NCAM1: variants seen among roughly 807,000 people sequenced by gnomAD.
NCAM1 encodes neural cell adhesion molecule 1, also known as antigen recognized by monoclonal antibody 5.1H11.
A neutral mutation model predicts 109.8 loss-of-function variants in NCAM1; 14 were observed. The ratio of observed to expected loss-of-function variants is 0.13; its 90% CI spans 0.08 to 0.20. The LOEUF (loss-of-function observed/expected upper bound fraction) is 0.20, where lower values mean the gene tolerates loss of function less well. Among genes scored for constraint, NCAM1 ranks in the 10% least tolerant of loss-of-function variants. The pLI, the probability that NCAM1 is intolerant of heterozygous loss-of-function variation, is 1.00. For synonymous variants in NCAM1, 418 were observed against 442.9 expected, an observed-to-expected ratio of 0.94 and a Z score of 0.70; for missense variants, 774 against 1,109.9, an observed-to-expected ratio of 0.70 and a Z score of 4.30.
At chr11:113,198,730 A>G (rs1565493720) in intron 1 of NCAM1, among the ~76,000 whole-genome samples, 1 of 152,130 alleles carries the variant, frequency 6.6e-6, no homozygotes, top group Non-Finnish European at 1.5e-5. Flanking sequence ...TAATAAACCT[A>G]TTTGGAGATG....
chr11:113,216,635 T>C (rs1555114439), intron 8 of NCAM1, among the ~76,000 whole-genome samples: 2 of 152,188 alleles, frequency 1.3e-5, no homozygotes, highest in Non-Finnish European at 2.9e-5. Context: ...CCCAGCTACA[T>C]TGGTTGTATT....
At chr11:113,015,253 C>T (rs1227524959) in intron 1 of NCAM1, among the ~76,000 whole-genome samples, 1 of 152,202 alleles carries the variant, frequency 6.6e-6, no homozygotes, top group Non-Finnish European at 1.5e-5. Context: ...TGTCCCTGAC[C>T]CTCCCTGGTC....
chr11:113,227,230 T>C (rs1428117944), intron 9 of NCAM1, among the ~76,000 whole-genome samples: 3 of 150,220 alleles, frequency 2.0e-5, no homozygotes, highest in Non-Finnish European at 4.4e-5. Flanking sequence ...ATAGATGCAA[T>C]AAAAAATGAT....
chr11:113,078,326 T>C (rs1938624087), intron 1 of NCAM1, among the ~76,000 whole-genome samples: 1 of 152,140 alleles, frequency 6.6e-6, no homozygotes, highest in Non-Finnish European at 1.5e-5. Context: ...TTGGGGCCTT[T>C]CCTAAATTCT....
intron 1 of NCAM1, among the ~76,000 whole-genome samples, chr11:113,027,134 T>A (rs1021778639): frequency 7.9e-5 from 12 of 152,240 alleles, no homozygotes; most frequent in African/African-American, 2.7e-4. Context: ...TCAATATAAT[T>A]CTCTGTACAA....
chr11:113,120,590 G>A (rs2136029442), intron 1 of NCAM1, among the ~76,000 whole-genome samples: 1 of 152,244 alleles, frequency 6.6e-6, no homozygotes, highest in South Asian at 2.1e-4. Context: ...AGGATATAAG[G>A]CTTGGCTTGG....
At chr11:113,051,946 T>C (rs1953511918) in intron 1 of NCAM1, among the ~76,000 whole-genome samples, 1 of 152,230 alleles carries the variant, frequency 6.6e-6, no homozygotes, top group Non-Finnish European at 1.5e-5. Context: ...ACCTAAAAGG[T>C]GTGCTTAGCG....
At chr11:113,081,654 C>T (rs1555087218) in intron 1 of NCAM1, among the ~76,000 whole-genome samples, 2 of 152,100 alleles carry the variant, frequency 1.3e-5, no homozygotes, top group Non-Finnish European at 2.9e-5. Context: ...CTACCTCAGC[C>T]TCTCAAGTAG....
chr11:113,107,865 A>G (rs1940245349), intron 1 of NCAM1, among the ~76,000 whole-genome samples: 2 of 152,194 alleles, frequency 1.3e-5, no homozygotes, highest in Non-Finnish European at 2.9e-5. Context: ...ATTCTAGGAC[A>G]TAACCCAGCA....
At chr11:113,040,540 A>G (rs969137279) in intron 1 of NCAM1, among the ~76,000 whole-genome samples, 3 of 152,234 alleles carry the variant, frequency 2.0e-5, no homozygotes, top group Non-Finnish European at 2.9e-5. Flanking sequence ...TTTATGTACA[A>G]AAACAGAAGG....
At chr11:113,162,832 G>GCC (rs1205397766) in intron 1 of NCAM1, among the ~76,000 whole-genome samples, 4 of 152,084 alleles carry the variant, frequency 2.6e-5, no homozygotes. Flanking sequence ...GATTCAACAC[G>GCC]CCACCCTAGT....
At chr11:113,224,506 A>C (rs553435739) in intron 9 of NCAM1, among the ~76,000 whole-genome samples, 1 of 152,366 alleles carries the variant, frequency 6.6e-6, no homozygotes, top group Admixed American at 6.5e-5. Context: ...CACCTCTGGC[A>C]GCAGGGCATA....
chr11:113,042,401 C>T (rs1953110089), intron 1 of NCAM1, among the ~76,000 whole-genome samples: 1 of 152,212 alleles, frequency 6.6e-6, no homozygotes, highest in African/African-American at 2.4e-5. Context: ...GCCCTTTGGC[C>T]TCCTTCCCTG....
chr11:113,216,870 T>C (rs566369824), intron 8 of NCAM1, among the ~76,000 whole-genome samples: 4 of 152,334 alleles, frequency 2.6e-5, no homozygotes, highest in South Asian at 4.1e-4. Flanking sequence ...AAAACAAATA[T>C]AGGCTGTTCA....
At chr11:112,970,099 G>A (rs1950837290) in intron 1 of NCAM1, among the ~76,000 whole-genome samples, 1 of 152,162 alleles carries the variant, frequency 6.6e-6, no homozygotes, top group Non-Finnish European at 1.5e-5. Context: ...TGCTATTGAA[G>A]AGCAGTTAAA....
chr11:113,269,393 C>T (rs1321498818), intron 17 of NCAM1: 5 of 152,428 alleles, frequency 3.3e-5, no homozygotes, highest in Non-Finnish European at 5.9e-5. Context: ...GGCATTTATC[C>T]TGCGTGTGAG....
At chr11:113,060,529 T>C (rs185138646) in intron 1 of NCAM1, among the ~76,000 whole-genome samples, 219 of 152,300 alleles carry the variant, frequency 1.4e-3, no homozygotes, top group African/African-American at 5.1e-3. Context: ...AGCTTTGAAG[T>C]TGGTTTAGAA....
At chr11:112,971,070 A>G (rs781953964) in intron 1 of NCAM1, among the ~76,000 whole-genome samples, 1 of 152,130 alleles carries the variant, frequency 6.6e-6, no homozygotes, top group Non-Finnish European at 1.5e-5. Flanking sequence ...TTTTCAAACT[A>G]TGGATGATGA....
chr11:113,152,022 C>A (rs117934051), intron 1 of NCAM1, among the ~76,000 whole-genome samples: 1,907 of 152,276 alleles, frequency 0.013, 10 homozygotes, highest in Non-Finnish European at 0.019. Context: ...GCCTGTGACA[C>A]ACCTAGAATG....
Sources: allele counts gnomAD v4.1 joint callset (sites outside exome capture counted in the v4.1 genomes callset), GRCh38; gene constraint gnomAD v4.1.1; transcripts MANE v1.5; gene names NCBI Gene and HGNC (gene_info 2026-07-23, HGNC 2026-07-21).